Variants in CCDC14 observed in about 807,000 individuals in gnomAD.
CCDC14 encodes the protein coiled-coil domain-containing protein 14.
In CCDC14, 71 loss-of-function variants were observed where a neutral mutation model predicts 81.4. That is an observed-to-expected ratio of 0.87 (90% CI 0.72 to 1.06). The LOEUF is 1.06. Among genes scored for constraint, CCDC14 ranks in the 50% least tolerant of loss-of-function variants. The pLI, the probability that CCDC14 is intolerant of heterozygous loss-of-function variation, is 0.00. For synonymous variants in CCDC14, 332 were observed against 364.8 expected, an observed-to-expected ratio of 0.91 and a Z score of 1.03; for missense variants, 1,046 against 1,047.3, an observed-to-expected ratio of 1.00 and a Z score of 0.02.
intron 10 of CCDC14, 125 bp from the exon 11 acceptor site, chr3:123,931,651 T>C (rs1388481976): frequency 8.3e-6 from 5 of 600,056 alleles, no homozygotes; most frequent in South Asian, 2.3e-5. Flanking sequence ...TAACGATTAA[T>C]TGCATGAGCA....
chr3:123,902,317 C>A (rs1398198130), intron 5 of CCDC14, among the ~76,000 whole-genome samples: 2 of 152,190 alleles, frequency 1.3e-5, no homozygotes, highest in Non-Finnish European at 2.9e-5. Flanking sequence ...TTTAGACTGT[C>A]ACCATTCTGC....
At chr3:123,898,218 T>C (rs2034109112) in intron 5 of CCDC14, among the ~76,000 whole-genome samples, 1 of 152,190 alleles carries the variant, frequency 6.6e-6, no homozygotes, top group Non-Finnish European at 1.5e-5. Context: ...AAAAAACAGA[T>C]ACAAGTGCGA....
In CCDC14 at chr3:123,931,216, A is replaced by C; in HGVS notation, c.1664T>G (p.Val555Gly). 1 of 1,605,372 alleles carries C rather than the reference A, an allele frequency of 6.2e-7. No homozygotes were observed. Among genetic ancestry groups the C allele is most frequent in the Non-Finnish European group, 8.5e-7 (1 of 1,177,658 alleles). Residue 555 changes from valine to glycine, a missense_variant, in exon 12 of 13, where the codon GTC (valine) becomes GGC (glycine). Physicochemically the swap from Val to Gly is moderately radical, Grantham distance 109 (BLOSUM62 -3). Transcript: ENST00000409697. The stretch of plus-strand genomic sequence containing the variant: ...CTTAAACTGGGAGCTTTTCACATTG[A>C]CTAGGGCTTCCTCCAATTCTAAAAC... Reference protein sequence around the residue: ...RIKIELEEALVNVKSSQFKLE... With the variant: ...RIKIELEEALGNVKSSQFKLE...
chr3:123,904,318 G>T (rs1025566924), intron 5 of CCDC14, among the ~76,000 whole-genome samples: 2 of 152,074 alleles, frequency 1.3e-5, no homozygotes, highest in African/African-American at 4.8e-5. Context: ...ATGACTTCAT[G>T]AGCATGGAGA....
intron 9 of CCDC14, among the ~76,000 whole-genome samples, chr3:123,941,803 T>C (rs1996681): frequency 0.82 from 123,893 of 151,930 alleles, 51,065 homozygotes; most frequent in African/African-American, 0.93. Flanking sequence ...GCCCATAAAA[T>C]AGTAAACTTC....
Position 123,914,077 on chromosome 3 carries a change from A to C in CCDC14, c.*702T>G, listed in dbSNP as rs1463495651. Reference sequence around the variant, plus strand: ...ATTTCTTATTTAAAAAAAACCCACAAATTTCCCCAACTATAGCTTATCTGT... The same window carrying C: ...ATTTCTTATTTAAAAAAAACCCACACATTTCCCCAACTATAGCTTATCTGT... On this transcript the variant is annotated 3_prime_UTR_variant, in exon 13 of 13. Coordinates refer to ENST00000409697, the MANE Select transcript of CCDC14 (RefSeq NM_001366335.1). 5.1e-6 allele frequency: 5 copies of C among 985,444 alleles called. No homozygotes were observed. The highest frequency in any genetic ancestry group is 1.2e-4 in the Admixed American group (2 of 16,258). The allele number at this position is 985,444 out of a possible 1,614,324, so 61.0% of individuals were successfully genotyped here.
At chr3:123,935,932 T>C (rs1398491796) in intron 9 of CCDC14, among the ~76,000 whole-genome samples, 4 of 152,152 alleles carry the variant, frequency 2.6e-5, no homozygotes, top group Non-Finnish European at 5.9e-5. Flanking sequence ...TGTATCCATA[T>C]GTGTATTAGC....
intron 1 of CCDC14, 73 bp downstream of exon 1, chr3:123,961,071 C>T (rs2037656134): frequency 7.7e-7 from 1 of 1,306,958 alleles, no homozygotes; most frequent in Non-Finnish European, 1.0e-6. Flanking sequence ...CAGAGTTTTA[C>T]AAGTTCCTGG....
intron 1 of CCDC14, among the ~76,000 whole-genome samples, chr3:123,960,625 T>G (rs769663694): frequency 6.6e-6 from 1 of 152,240 alleles, no homozygotes; most frequent in Non-Finnish European, 1.5e-5. Context: ...TGTTGGCTGC[T>G]GTTATCATTA....
At chr3:123,921,587 G>C (rs765051250) in intron 12 of CCDC14, among the ~76,000 whole-genome samples, 2 of 152,160 alleles carry the variant, frequency 1.3e-5, no homozygotes, top group Non-Finnish European at 2.9e-5. Context: ...TCTCAACACT[G>C]TACAGATCTT....
intron 5 of CCDC14, among the ~76,000 whole-genome samples, chr3:123,951,593 C>A (rs1225934683): frequency 6.6e-6 from 1 of 152,192 alleles, no homozygotes; most frequent in Non-Finnish European, 1.5e-5. Flanking sequence ...GTCCTTTCCT[C>A]TTGATTCCTG....
At chr3:123,931,710 A>G (rs1281986805) in intron 10 of CCDC14, among the ~76,000 whole-genome samples, 184 bp from the exon 11 acceptor site, 2 of 152,180 alleles carry the variant, frequency 1.3e-5, no homozygotes, top group Admixed American at 1.3e-4. Flanking sequence ...GGCAGAAGTC[A>G]TACCTTTCTT....
intron 5 of CCDC14, among the ~76,000 whole-genome samples, chr3:123,952,080 A>T (rs7633482): frequency 6.6e-6 from 1 of 152,240 alleles, no homozygotes; most frequent in South Asian, 2.1e-4. Flanking sequence ...GCTCTTGTTA[A>T]TTACACCAAC....
At chr3:123,904,905 T>G (rs1474450471) in intron 5 of CCDC14, among the ~76,000 whole-genome samples, 2 of 152,148 alleles carry the variant, frequency 1.3e-5, no homozygotes, top group Non-Finnish European at 2.9e-5. Flanking sequence ...AAGACAATTT[T>G]GCAGATGAAT....
the CCDC14 span, among the ~76,000 whole-genome samples, chr3:123,887,946 A>G: frequency 3.3e-5 from 5 of 151,970 alleles, no homozygotes; most frequent in African/African-American, 1.2e-4. Flanking sequence ...TTTTAAGTTT[A>G]TAAATTTCCC....
At chr3:123,911,922 G>A (rs1359077939), downstream of CCDC14, among the ~76,000 whole-genome samples, 2 of 152,100 alleles carry the variant, frequency 1.3e-5, no homozygotes, top group African/African-American at 4.8e-5. Flanking sequence ...TGAAAATAAA[G>A]GTTTCTGAAA....
chr3:123,892,915 C>T, downstream of CCDC14, among the ~76,000 whole-genome samples: 1 of 152,090 alleles, frequency 6.6e-6, no homozygotes, highest in East Asian at 1.9e-4. Flanking sequence ...AGTGATTCTC[C>T]TGCCTCAGCC....
rs540693021 is a variant in CCDC14 at position 123,943,272 on chromosome 3, G to A, written c.1343+1577C>T. Among the ~76,000 whole-genome samples the A allele has an allele frequency of 3.9e-5, 6 of 151,970 alleles. No homozygotes were observed. In the South Asian group the frequency reaches 1.2e-3, roughly 32 times the overall value. On this transcript the variant is annotated intron_variant, in intron 9 of 12. Transcript: ENST00000409697. ...TAAAATATTTGGCCTTTTGTCCCTG[G>A]TTCCTGAAGCAGCTTCAGACCAGCT...
the CCDC14 span, among the ~76,000 whole-genome samples, chr3:123,887,009 A>G: frequency 1.3e-5 from 2 of 152,152 alleles, no homozygotes; most frequent in Admixed American, 6.5e-5. Context: ...CCAATTTACT[A>G]ATTTGCTTTA....
Sources: allele counts gnomAD v4.1 joint callset (sites outside exome capture counted in the v4.1 genomes callset), GRCh38; gene constraint gnomAD v4.1.1; transcripts MANE v1.5; gene names NCBI Gene and HGNC (gene_info 2026-07-23, HGNC 2026-07-21).